Variants in UBE2QL1 observed in about 807,000 individuals in gnomAD.
The protein encoded by UBE2QL1 is ubiquitin-conjugating enzyme E2Q-like protein 1.
UBE2QL1 carries 5 observed loss-of-function variants against 12.6 expected under a neutral mutation model. The observed-to-expected ratio is 0.40, with a 90% CI of 0.21 to 0.83. The LOEUF is 0.83. Ranked by LOEUF, UBE2QL1 falls within the 40% of genes least tolerant of loss-of-function variation. UBE2QL1 has a pLI of 0.37. For missense variants in UBE2QL1, 99 were observed against 222.6 expected (o/e 0.44, Z 3.53); for synonymous variants, 96 against 94.5 (o/e 1.02, Z -0.10).
chr5:6,465,168 G>A (rs1258411827), intron 1 of UBE2QL1, among the ~76,000 whole-genome samples: 1 of 151,986 alleles, frequency 6.6e-6, no homozygotes, highest in African/African-American at 2.4e-5. Flanking sequence ...TGTATTTTTA[G>A]TAGAGATGGG....
chr5:6,487,199 T>G (rs1292834871), intron 1 of UBE2QL1, among the ~76,000 whole-genome samples: 2 of 152,374 alleles, frequency 1.3e-5, no homozygotes, highest in East Asian at 1.9e-4. Context: ...GAGTTAAGTT[T>G]GGGGCCACTT....
intron 1 of UBE2QL1, among the ~76,000 whole-genome samples, chr5:6,474,097 T>C (rs1734162385): frequency 6.6e-6 from 1 of 152,232 alleles, no homozygotes; most frequent in African/African-American, 2.4e-5. Flanking sequence ...ATTTACCTTC[T>C]AAAAGATACT....
intron 1 of UBE2QL1, among the ~76,000 whole-genome samples, chr5:6,484,108 G>C (rs1039358217): frequency 2.6e-5 from 4 of 152,176 alleles, no homozygotes; most frequent in African/African-American, 7.2e-5. Context: ...GCTAGTCATG[G>C]GGGATGCATA....
chr5:6,477,626 C>G (rs1419025255), intron 1 of UBE2QL1, among the ~76,000 whole-genome samples: 3 of 152,232 alleles, frequency 2.0e-5, no homozygotes, highest in Non-Finnish European at 2.9e-5. Flanking sequence ...CTTACAACAT[C>G]CACATGGAGA....
Position 6,492,690 on chromosome 5 carries a change from T to G in UBE2QL1, c.*1341T>G, listed in dbSNP as rs919610431. 4 of 152,208 alleles carry G rather than the reference T, an allele frequency of 2.6e-5. No homozygotes were observed. The highest frequency in any genetic ancestry group is 5.9e-5 in the Non-Finnish European group (4 of 68,028). The allele number at this position is 152,208 out of a possible 1,614,324, so 9.4% of individuals were successfully genotyped here. A position where few individuals can be genotyped will look rare whatever the true frequency, so the allele number is the denominator to read the frequency against. On this transcript the variant is annotated 3_prime_UTR_variant, in exon 2 of 2. Transcript: ENST00000399816. ...TTTAAATATTGCAAATACTACAACATGTAATTCCAGAGCAGCGTTCTAAGT... is the reference window on the plus strand; with the variant it reads ...TTTAAATATTGCAAATACTACAACAGGTAATTCCAGAGCAGCGTTCTAAGT...
At chr5:6,462,756 A>G (rs553991040) in intron 1 of UBE2QL1, among the ~76,000 whole-genome samples, 2 of 152,350 alleles carry the variant, frequency 1.3e-5, no homozygotes, top group East Asian at 1.9e-4. Flanking sequence ...ATAGAATTCT[A>G]TGGAAACTTC....
chr5:6,481,717 G>A lies in UBE2QL1; in HGVS notation c.355-9501G>A, dbSNP rs932824497. ...ACATGACCTTAGTTGGACTCACTGA[G>A]TGGCCTCTGCCAGGCCCTCGCCATC... is the stretch of plus-strand genomic sequence containing the variant. On this transcript the variant is annotated intron_variant, in intron 1 of 1. Coordinates refer to ENST00000399816, the MANE Select transcript of UBE2QL1 (RefSeq NM_001145161.3). This position sits in a 1 kb window ranked among gnomAD's most constrained non-coding sequence, Gnocchi z 4.5. Among the ~76,000 whole-genome samples the A allele has an allele frequency of 6.6e-6, 1 of 152,186 alleles. No individual in the cohort carries two copies. The highest frequency in any genetic ancestry group is 2.4e-5 in the African/African-American group (1 of 41,448).
At chr5:6,471,245 A>G (rs1479257291) in intron 1 of UBE2QL1, among the ~76,000 whole-genome samples, 1 of 152,192 alleles carries the variant, frequency 6.6e-6, no homozygotes, top group African/African-American at 2.4e-5. Flanking sequence ...AGCATAGCCC[A>G]TTATCCTAAA....
intron 1 of UBE2QL1, among the ~76,000 whole-genome samples, chr5:6,456,253 A>G (rs1442573665): frequency 6.6e-6 from 1 of 152,210 alleles, no homozygotes; most frequent in Non-Finnish European, 1.5e-5. Context: ...GGAAATATCC[A>G]TGGATCTGAC....
At position 6,481,474 on chromosome 5, in the gene UBE2QL1, C is replaced by G. The variant is rs1734361141; in HGVS notation, c.355-9744C>G. Among the ~76,000 whole-genome samples, 1 of 152,216 alleles carries G rather than the reference C, an allele frequency of 6.6e-6. No homozygotes were observed. The highest frequency in any genetic ancestry group is 1.9e-4 in the East Asian group (1 of 5,196). ...GAGAGCAGAGAGGGGGCACGCTCCC[C>G]TCCCCGCACACCTCTCCCTGCAGAA... On this transcript the variant is annotated intron_variant, in intron 1 of 1. Coordinates refer to ENST00000399816, the MANE Select transcript of UBE2QL1 (RefSeq NM_001145161.3). This position sits in a 1 kb window ranked among gnomAD's most constrained non-coding sequence, Gnocchi z 4.5.
chr5:6,466,469 A>G (rs910658906), intron 1 of UBE2QL1, among the ~76,000 whole-genome samples: 7 of 152,120 alleles, frequency 4.6e-5, no homozygotes, highest in African/African-American at 1.7e-4. Flanking sequence ...CTGGGGCTGG[A>G]CGCTCCCCCA....
In UBE2QL1 at chr5:6,476,447, G is replaced by A. The variant is rs1019995138; in HGVS notation, c.355-14771G>A. Among the ~76,000 whole-genome samples, 1 of 152,172 alleles carries A rather than the reference G, an allele frequency of 6.6e-6. No homozygotes were observed. The highest frequency in any genetic ancestry group is 2.4e-5 in the African/African-American group (1 of 41,438). On this transcript the variant is annotated intron_variant, in intron 1 of 1. Transcript: ENST00000399816. This position sits in a 1 kb window ranked among gnomAD's most constrained non-coding sequence, Gnocchi z 4.9. Reference sequence around the variant, plus strand: ...GTTTGGAGTTTGCCCTCTGGGTCACGGGGCTGCTGGGTCAGGGTTGCTGCA... The same window carrying A: ...GTTTGGAGTTTGCCCTCTGGGTCACAGGGCTGCTGGGTCAGGGTTGCTGCA...
At position 6,493,269 on chromosome 5, in the gene UBE2QL1, G is replaced by A. The variant is rs980037398; in HGVS notation, c.*1920G>A. On this transcript the variant is annotated 3_prime_UTR_variant, in exon 2 of 2. Coordinates refer to ENST00000399816, the MANE Select transcript of UBE2QL1 (RefSeq NM_001145161.3). The stretch of plus-strand genomic sequence containing the variant: ...GGACCCTGGAGCTAGTGGTCATCAT[G>A]GAATTACACTGTGGAGATGAAAGAC... 4 of 152,210 alleles carry A rather than the reference G, an allele frequency of 2.6e-5. No homozygotes were observed. Among genetic ancestry groups the A allele is most frequent in the African/African-American group, 4.8e-5 (2 of 41,460 alleles). The allele number at this position is 152,210 out of a possible 1,614,324, so 9.4% of individuals were successfully genotyped here.
intron 1 of UBE2QL1, among the ~76,000 whole-genome samples, chr5:6,457,800 G>A (rs1056431227): frequency 3.9e-5 from 6 of 152,210 alleles, no homozygotes; most frequent in Admixed American, 2.6e-4. Flanking sequence ...ACCACGTGTA[G>A]CATTATTGTT....
At position 6,479,842 on chromosome 5, in the gene UBE2QL1, G is replaced by A. The variant is rs1207039322; in HGVS notation, c.355-11376G>A. 1.3e-5 allele frequency among the ~76,000 whole-genome samples: 2 copies of A among 152,164 alleles called. No homozygotes were observed. The highest frequency in any genetic ancestry group is 1.9e-4 in the East Asian group (1 of 5,188). ...GGAGGTCACCCACCCTGTTCACCAC[G>A]TCAGGCAGGTAGCGTGTGCCGAGGC... On this transcript the variant is annotated intron_variant, in intron 1 of 1. Transcript: ENST00000399816. The surrounding 1 kb of genome is among the most constrained non-coding windows in gnomAD (Gnocchi z 4.2).
In UBE2QL1 at chr5:6,478,446, C is replaced by T. The variant is rs943529428; in HGVS notation, c.355-12772C>T. The stretch of plus-strand genomic sequence containing the variant: ...TTACCTGGGTTGTCTGTGAAAATCA[C>T]GCGTTCCTTCTTGATGCAATATTTC... On this transcript the variant is annotated intron_variant, in intron 1 of 1. Transcript: ENST00000399816. The surrounding 1 kb of genome is among the most constrained non-coding windows in gnomAD (Gnocchi z 4.5). Among the ~76,000 whole-genome samples, 3 of 152,332 alleles carry T rather than the reference C, an allele frequency of 2.0e-5. No individual in the cohort carries two copies. Among genetic ancestry groups the T allele is most frequent in the South Asian group, 4.1e-4 (2 of 4,830 alleles).
At chr5:6,460,110 G>C (rs1460877638) in intron 1 of UBE2QL1, among the ~76,000 whole-genome samples, 2 of 152,128 alleles carry the variant, frequency 1.3e-5, no homozygotes, top group Non-Finnish European at 2.9e-5. Flanking sequence ...GTGGGGCTGG[G>C]ATAAAGCTGG....
At position 6,449,001 on chromosome 5, in the gene UBE2QL1, G is replaced by A; in HGVS notation, c.108G>A (p.Lys36=). 1 of 1,550,112 alleles carries A rather than the reference G, an allele frequency of 6.5e-7. No individual in the cohort carries two copies. Among genetic ancestry groups the A allele is most frequent in the Admixed American group, 2.0e-5 (1 of 50,720 alleles). Residue 36 remains lysine, a synonymous_variant, in exon 1 of 2, where the codon AAG becomes AAA. Transcript: ENST00000399816. ...ACGTGAAGCTGCACCAGGTGGACAAGGACTCGGTGCTGTGGCAGGACATGA... is the reference window on the plus strand; with the variant it reads ...ACGTGAAGCTGCACCAGGTGGACAAAGACTCGGTGCTGTGGCAGGACATGA... ...DWNVKLHQVD[K]DSVLWQDMKE...
intron 1 of UBE2QL1, among the ~76,000 whole-genome samples, chr5:6,449,593 C>T (rs1485585550): frequency 1.3e-5 from 2 of 151,930 alleles, no homozygotes; most frequent in Non-Finnish European, 2.9e-5. Flanking sequence ...CCTTAGCCTC[C>T]CTCTCCCATA....
Sources: allele counts gnomAD v4.1 joint callset (sites outside exome capture counted in the v4.1 genomes callset), GRCh38; gene constraint gnomAD v4.1.1; non-coding constraint Gnocchi (gnomAD v3.1); transcripts MANE v1.5; gene names NCBI Gene and HGNC (gene_info 2026-07-23, HGNC 2026-07-21).